Variants in VGLL4 observed in about 807,000 individuals in gnomAD.
The protein encoded by VGLL4 is vestigial like family member 4.
In VGLL4, 7 loss-of-function variants were observed where a neutral mutation model predicts 21.0. The ratio of observed to expected loss-of-function variants is 0.33; its 90% CI spans 0.19 to 0.63. The LOEUF (loss-of-function observed/expected upper bound fraction) is 0.63. VGLL4 is among the 20% of genes least tolerant of loss of function. VGLL4 has a pLI of 0.78. For missense variants in VGLL4, 394 were observed against 425.7 expected, an observed-to-expected ratio of 0.93 and a Z score of 0.66; for synonymous variants, 222 against 173.2, an observed-to-expected ratio of 1.28 and a Z score of -2.21.
intron 1 of VGLL4, among the ~76,000 whole-genome samples, chr3:11,639,481 C>T (rs1008226071): frequency 9.2e-5 from 14 of 152,252 alleles, no homozygotes; most frequent in Non-Finnish European, 1.9e-4. Flanking sequence ...GGAGAGGCTC[C>T]ACTGTGTGCT....
intron 1 of VGLL4, among the ~76,000 whole-genome samples, chr3:11,609,303 A>ACTG (rs2075011010): frequency 6.6e-6 from 1 of 152,254 alleles, no homozygotes; most frequent in South Asian, 2.1e-4. Flanking sequence ...CTGCTCATCA[A>ACTG]GAAATACTTT....
intron 1 of VGLL4, among the ~76,000 whole-genome samples, chr3:11,638,675 T>C (rs757191047): frequency 6.6e-6 from 1 of 152,128 alleles, no homozygotes; most frequent in Non-Finnish European, 1.5e-5. Flanking sequence ...CAAGAGCTCG[T>C]CACTTGATAT....
Position 11,719,228 on chromosome 3 carries a change from G to A in VGLL4, c.-14+1166C>T, listed in dbSNP as rs1348999850. 6.6e-6 allele frequency among the ~76,000 whole-genome samples: 1 copy of A among 152,074 alleles called. No homozygotes were observed. The highest frequency in any genetic ancestry group is 2.4e-5 in the African/African-American group (1 of 41,432). On this transcript the variant is annotated intron_variant, in intron 1 of 5. Transcript: ENST00000273038. The surrounding 1 kb of genome is among the most constrained non-coding windows in gnomAD (Gnocchi z 4.0). The stretch of plus-strand genomic sequence containing the variant: ...CCCGCCCCGAGCCTCCGACTCCCAG[G>A]ACGTCCTCCGGGAGCCTAGGCGCTT...
At chr3:11,664,130 T>C (rs2647374) in intron 2 of VGLL4, among the ~76,000 whole-genome samples, 152,016 of 152,020 alleles carry the variant, frequency 1, 76,006 homozygotes, top group Non-Finnish European at 1. Context: ...TCCAGCTACT[T>C]GGGAGGCTGA....
At chr3:11,629,899 CTTTAT>C (rs1027194054) in intron 1 of VGLL4, among the ~76,000 whole-genome samples, 3 of 152,118 alleles carry the variant, frequency 2.0e-5, no homozygotes, top group Non-Finnish European at 2.9e-5. Flanking sequence ...AATCCTTGAG[CTTTAT>C]TTTAACAGGC....
chr3:11,587,399 A>G (rs1461842716), intron 2 of VGLL4, among the ~76,000 whole-genome samples: 1 of 152,190 alleles, frequency 6.6e-6, no homozygotes. Context: ...CTATCACTGG[A>G]CGTAACTTGC....
intron 2 of VGLL4, among the ~76,000 whole-genome samples, chr3:11,676,184 G>A (rs998110375): frequency 4.0e-5 from 6 of 151,712 alleles, no homozygotes; most frequent in South Asian, 4.2e-4. Context: ...TCAGGATATC[G>A]AGACCATCCT....
intron 2 of VGLL4, among the ~76,000 whole-genome samples, chr3:11,581,917 T>C (rs539755289): frequency 1.4e-4 from 22 of 152,368 alleles, no homozygotes; most frequent in Admixed American, 1.4e-3. Context: ...GGCGGTCACA[T>C]GACAGCCATC....
intron 4 of VGLL4, 70 bp from the exon 5 acceptor site, chr3:11,558,897 C>A (rs770273717): frequency 8.2e-5 from 128 of 1,555,934 alleles, no homozygotes; most frequent in Non-Finnish European, 1.0e-4. Flanking sequence ...GTTGCAGCAC[C>A]CTCCCTCAGG....
rs10539636 is a variant in VGLL4, at chr3:11,650,718, A to AACACAC, written c.65-48702_65-48697dup. 6.8e-5 allele frequency among the ~76,000 whole-genome samples: 10 copies of AACACAC among 147,522 alleles called. 1 individual carries two copies. Among genetic ancestry groups the AACACAC allele is most frequent in the East Asian group, 3.9e-4 (2 of 5,082 alleles). On this transcript the variant is annotated intron_variant, in intron 2 of 5. Transcript: ENST00000273038. Reference sequence around the variant, plus strand: ...TTTTCTCTTCTTGCTACACATAGAAAACACACACACACACACACACACACA... The same window carrying AACACAC: ...TTTTCTCTTCTTGCTACACATAGAAAACACACACACACACACACACACACACACACA...
intron 1 of VGLL4, among the ~76,000 whole-genome samples, chr3:11,637,158 G>A (rs2075604480): frequency 6.6e-6 from 1 of 152,138 alleles, no homozygotes; most frequent in Non-Finnish European, 1.5e-5. Flanking sequence ...GGGGCTGGGA[G>A]GGATCTGATC....
intron 3 of VGLL4, among the ~76,000 whole-genome samples, chr3:11,560,356 G>A (rs964866337): frequency 9.9e-5 from 15 of 152,190 alleles, no homozygotes; most frequent in East Asian, 3.8e-4. Context: ...CAATACCCCC[G>A]AGGACAAGGT....
chr3:11,685,729 C>T (rs758278644), intron 2 of VGLL4, among the ~76,000 whole-genome samples: 1 of 152,046 alleles, frequency 6.6e-6, no homozygotes, highest in Non-Finnish European at 1.5e-5. Context: ...AGAATTGTTA[C>T]AACTCAACAA....
At chr3:11,643,270 G>A (rs2075730852) in intron 1 of VGLL4, among the ~76,000 whole-genome samples, 167 bp downstream of exon 1, 1 of 152,082 alleles carries the variant, frequency 6.6e-6, no homozygotes, top group Non-Finnish European at 1.5e-5. Context: ...CCCGCAGCCT[G>A]AGATCCGAAC....
chr3:11,682,302 G>A (rs1553743684), intron 2 of VGLL4, among the ~76,000 whole-genome samples: 1 of 151,850 alleles, frequency 6.6e-6, no homozygotes, highest in Non-Finnish European at 1.5e-5. Flanking sequence ...CTACTTGGGA[G>A]GCTGAGGCAG....
In VGLL4 at chr3:11,556,643, AATG is replaced by A. The variant is rs1467121588; in HGVS notation, c.*1910_*1912del. ...TTTTTTCCGAACAACAAAAAAAATG[AATG>A]ATTACAATAGGAAAGGGAAAAATTA... is the stretch of plus-strand genomic sequence containing the variant. On this transcript the variant is annotated 3_prime_UTR_variant, in exon 5 of 5. Transcript: ENST00000430365. 2.0e-5 allele frequency: 3 copies of A among 152,744 alleles called. No individual in the cohort carries two copies. The highest frequency in any genetic ancestry group is 7.2e-5 in the African/African-American group (3 of 41,522). 9.5% of individuals were successfully genotyped at this position (152,744 alleles called of 1,614,324 possible). A position where few individuals can be genotyped will look rare whatever the true frequency, so the allele number is the denominator to read the frequency against.
chr3:11,713,788 A>T (rs758149638), intron 1 of VGLL4, among the ~76,000 whole-genome samples: 1 of 151,844 alleles, frequency 6.6e-6, no homozygotes, highest in Non-Finnish European at 1.5e-5. Context: ...AGGTAACCTT[A>T]GGTGCCTCCA....
chr3:11,591,066 A>G (rs2074482796), intron 2 of VGLL4, among the ~76,000 whole-genome samples: 1 of 152,186 alleles, frequency 6.6e-6, no homozygotes, highest in Admixed American at 6.5e-5. Flanking sequence ...TACGGATAAA[A>G]AGAGCTGCTA....
chr3:11,610,960 A>G (rs2125284516), intron 1 of VGLL4, among the ~76,000 whole-genome samples: 1 of 152,374 alleles, frequency 6.6e-6, no homozygotes, highest in Non-Finnish European at 1.5e-5. Context: ...TAGTGTTTCA[A>G]GAATTAAGTG....
Sources: gnomAD v4.1 joint callset for allele counts (sites outside exome capture counted in the v4.1 genomes callset) on GRCh38, gnomAD v4.1.1 for gene constraint, Gnocchi (gnomAD v3.1) non-coding constraint, MANE v1.5 for transcripts, NCBI Gene and HGNC (gene_info 2026-07-23, HGNC 2026-07-21) for gene names.